ELOVL6: variants seen among roughly 807,000 people sequenced by gnomAD.
ELOVL6 encodes the protein ELOVL fatty acid elongase 6, also known as very long chain fatty acid elongase 6.
ELOVL6 carries 8 observed loss-of-function variants against 31.7 expected under a neutral mutation model. That is an observed-to-expected ratio of 0.25 (90% CI 0.15 to 0.45). The LOEUF is 0.45. ELOVL6 is among the 20% of genes least tolerant of loss of function. ELOVL6 has a pLI of 1.00. For missense variants in ELOVL6, 126 were observed against 326.4 expected (o/e 0.39, Z 4.73); for synonymous variants, 101 against 117.7 (o/e 0.86, Z 0.92).
chr4:110,092,949 G>T (rs2126240387), intron 2 of ELOVL6, among the ~76,000 whole-genome samples: 1 of 152,252 alleles, frequency 6.6e-6, no homozygotes, highest in South Asian at 2.1e-4. Context: ...GCCTGCAGGT[G>T]TTATTATACT....
intron 1 of ELOVL6, among the ~76,000 whole-genome samples, chr4:110,170,565 A>G (rs1299284900): frequency 6.6e-6 from 1 of 152,194 alleles, no homozygotes; most frequent in East Asian, 1.9e-4. Flanking sequence ...TTCTCTAAAC[A>G]AATGTCCTTT....
At chr4:110,159,096 TTCTC>T (rs898820567) in intron 1 of ELOVL6, among the ~76,000 whole-genome samples, 6 of 152,246 alleles carry the variant, frequency 3.9e-5, no homozygotes, top group African/African-American at 1.4e-4. Context: ...GCATAGATTT[TTCTC>T]TCTTTTACCT....
At chr4:110,094,554 CA>C (rs1189901092) in intron 2 of ELOVL6, among the ~76,000 whole-genome samples, 17 of 147,660 alleles carry the variant, frequency 1.2e-4, no homozygotes, top group African/African-American at 4.0e-4. Context: ...GTGTTCTGGG[CA>C]AGGGAAGAGC....
intron 1 of ELOVL6, among the ~76,000 whole-genome samples, chr4:110,194,836 G>A (rs959255437): frequency 6.6e-6 from 1 of 152,178 alleles, no homozygotes; most frequent in Non-Finnish European, 1.5e-5. Context: ...CATTCTCACA[G>A]TTCTTCAAAA....
At chr4:110,110,893 G>A (rs1757015066) in intron 1 of ELOVL6, among the ~76,000 whole-genome samples, 1 of 152,128 alleles carries the variant, frequency 6.6e-6, no homozygotes, top group Non-Finnish European at 1.5e-5. Context: ...ACCAACTAAG[G>A]TGTGATTTCC....
At chr4:110,081,480 C>G (rs1409884857) in intron 2 of ELOVL6, among the ~76,000 whole-genome samples, 1 of 152,032 alleles carries the variant, frequency 6.6e-6, no homozygotes, top group Non-Finnish European at 1.5e-5. Context: ...CTGACAAAAA[C>G]AAGAAATGGG....
intron 2 of ELOVL6, among the ~76,000 whole-genome samples, chr4:110,102,963 C>T (rs959773845): frequency 2.6e-5 from 4 of 151,748 alleles, no homozygotes; most frequent in South Asian, 2.1e-4. Context: ...GGGCGGTAAT[C>T]GAATCATAGG....
intron 2 of ELOVL6, among the ~76,000 whole-genome samples, chr4:110,084,231 T>C (rs934893409): frequency 8.1e-6 from 1 of 124,088 alleles, no homozygotes; most frequent in East Asian, 2.3e-4. Flanking sequence ...ATATGATATA[T>C]ATAACATATA....
chr4:110,117,903 A>AAAAATATATATATATATATAT, intron 1 of ELOVL6: 4 of 6,496 alleles, frequency 6.2e-4, no homozygotes, highest in Non-Finnish European at 7.5e-4. Flanking sequence ...AAAAAAAAAA[A>AAAAATATATATATATATATAT]ATATATATAT....
intron 1 of ELOVL6, among the ~76,000 whole-genome samples, chr4:110,165,759 T>C (rs184853941): frequency 2.6e-5 from 4 of 152,340 alleles, no homozygotes; most frequent in Admixed American, 2.6e-4. Context: ...GGAGGATTTT[T>C]GTAATAAAGT....
intron 1 of ELOVL6, among the ~76,000 whole-genome samples, chr4:110,109,677 G>GT: frequency 6.6e-6 from 1 of 152,230 alleles, no homozygotes; most frequent in African/African-American, 2.4e-5. Context: ...TGAAATACAT[G>GT]TTTTTTTAAA....
At chr4:110,053,216 C>A (rs1754881745) in intron 3 of ELOVL6, among the ~76,000 whole-genome samples, 1 of 152,184 alleles carries the variant, frequency 6.6e-6, no homozygotes, top group Non-Finnish European at 1.5e-5. Context: ...CCCTGAGAAC[C>A]CGGCCCTGGT....
chr4:110,152,617 A>C (rs562159356), intron 1 of ELOVL6, among the ~76,000 whole-genome samples: 33 of 152,318 alleles, frequency 2.2e-4, no homozygotes, highest in Admixed American at 1.8e-3. Flanking sequence ...TCTTGTTGAA[A>C]TGCACATTCT....
At chr4:110,067,765 A>C (rs552180641) in intron 2 of ELOVL6, among the ~76,000 whole-genome samples, 123 of 152,226 alleles carry the variant, frequency 8.1e-4, no homozygotes, top group Non-Finnish European at 1.5e-3. Context: ...ATTTTTTTAA[A>C]GGTTATGCGT....
intron 1 of ELOVL6, among the ~76,000 whole-genome samples, chr4:110,133,537 C>T (rs1489695824): frequency 1.3e-5 from 2 of 152,112 alleles, no homozygotes. Flanking sequence ...GAAGATGAGG[C>T]TTGCGGAGGC....
intron 1 of ELOVL6, among the ~76,000 whole-genome samples, chr4:110,178,148 T>C (rs551297098): frequency 6.6e-6 from 1 of 152,226 alleles, no homozygotes; most frequent in African/African-American, 2.4e-5. Context: ...ATTTACAGTT[T>C]GGTGCAGGAA....
Position 110,066,990 on chromosome 4 carries a change from G to T in ELOVL6, c.222-7236C>A, listed in dbSNP as rs1285519850. Among the ~76,000 whole-genome samples, 5 of 151,754 alleles carry T rather than the reference G, an allele frequency of 3.3e-5. No homozygotes were observed. The East Asian group carries it at 9.7e-4, about 29-fold the overall frequency. On this transcript the variant is annotated intron_variant, in intron 2 of 3. Transcript: ENST00000302274. ...CGTCCATGTGTTCTCATTGAGAACA[G>T]GCATCTTTAATAGACAATGTCTACT...
intron 2 of ELOVL6, among the ~76,000 whole-genome samples, chr4:110,085,777 G>C (rs1297991939): frequency 6.6e-6 from 1 of 152,148 alleles, no homozygotes; most frequent in South Asian, 2.1e-4. Flanking sequence ...GCAGTGGTGT[G>C]ATCTTGGCTC....
chr4:110,152,946 G>A (rs1758318831), intron 1 of ELOVL6, among the ~76,000 whole-genome samples: 1 of 152,178 alleles, frequency 6.6e-6, no homozygotes, highest in African/African-American at 2.4e-5. Context: ...CTCAAAAGGA[G>A]GATGCCAAAC....
Sources: gnomAD v4.1 joint callset for allele counts (sites outside exome capture counted in the v4.1 genomes callset) on GRCh38, gnomAD v4.1.1 for gene constraint, MANE v1.5 for transcripts, NCBI Gene and HGNC (gene_info 2026-07-23, HGNC 2026-07-21) for gene names.